Variants in SYCP2 observed in about 807,000 individuals in gnomAD.
The protein encoded by SYCP2 is synaptonemal complex protein 2.
In SYCP2, 55 loss-of-function variants were observed where a neutral mutation model predicts 211.3. The observed-to-expected ratio is 0.26, with a 90% CI of 0.21 to 0.33. The LOEUF (loss-of-function observed/expected upper bound fraction) is 0.33, where lower values mean the gene tolerates loss of function less well. Ranked by LOEUF, SYCP2 falls within the 10% of genes least tolerant of loss-of-function variation. The pLI, the probability that SYCP2 is intolerant of heterozygous loss-of-function variation, is 1.00. For missense variants in SYCP2, 1,731 were observed against 1,752.0 expected, an observed-to-expected ratio of 0.99 and a Z score of 0.21; for synonymous variants, 570 against 555.2, an observed-to-expected ratio of 1.03 and a Z score of -0.37.
chr20:59,876,786 A>G (rs997669828), intron 33 of SYCP2, among the ~76,000 whole-genome samples: 1 of 152,176 alleles, frequency 6.6e-6, no homozygotes, highest in Non-Finnish European at 1.5e-5. Flanking sequence ...CATACACTAT[A>G]CTAAAATAGT....
chr20:59,931,866 C>A (rs1307659516), intron 2 of SYCP2, among the ~76,000 whole-genome samples, 196 bp downstream of exon 2: 2 of 152,086 alleles, frequency 1.3e-5, no homozygotes, highest in African/African-American at 2.4e-5. Flanking sequence ...ACAGCACTAT[C>A]CACAACATCA....
chr20:59,887,678 G>A (rs1412474320), intron 24 of SYCP2, among the ~76,000 whole-genome samples: 1 of 151,894 alleles, frequency 6.6e-6, no homozygotes, highest in East Asian at 1.9e-4. Flanking sequence ...ACTGTACAGA[G>A]TGCTTTGCAG....
intron 14 of SYCP2, among the ~76,000 whole-genome samples, chr20:59,910,386 T>TA (rs2060296312): frequency 7.4e-6 from 1 of 134,554 alleles, no homozygotes; most frequent in Admixed American, 7.3e-5. Context: ...TTTTTTTTTT[T>TA]TTTTTTTTTT....
intron 16 of SYCP2, 63 bp downstream of exon 16, chr20:59,901,599 A>C (rs1390917337): frequency 2.9e-6 from 3 of 1,050,426 alleles, no homozygotes; most frequent in Non-Finnish European, 4.1e-6. Flanking sequence ...AATAAAACTT[A>C]TAACGCCAAA....
In SYCP2 at chr20:59,919,412, G is replaced by A. The variant is rs888162264; in HGVS notation, c.402+81C>T. 4 of 1,064,808 alleles carry A rather than the reference G, an allele frequency of 3.8e-6. No homozygotes were observed. The African/African-American group carries it at 6.4e-5, about 17-fold the overall frequency. The allele number at this position is 1,064,808 out of a possible 1,614,324, so 66.0% of individuals were successfully genotyped here. A position where few individuals can be genotyped will look rare whatever the true frequency, so the allele number is the denominator to read the frequency against. On this transcript the variant is annotated intron_variant, in intron 6 of 44. Transcript: ENST00000357552. The stretch of plus-strand genomic sequence containing the variant: ...CAACCAATCTGTTAGTGACTTTTAG[G>A]CTCAGGGCACAGAGAACACAAATTG...
At chr20:59,895,118 C>T (rs992646882) in intron 20 of SYCP2, among the ~76,000 whole-genome samples, 12 of 152,194 alleles carry the variant, frequency 7.9e-5, no homozygotes, top group South Asian at 2.1e-4. Flanking sequence ...ACTTGTACTT[C>T]GCATTCCTAT....
chr20:59,909,862 T>G (rs2060283055), intron 14 of SYCP2, among the ~76,000 whole-genome samples: 1 of 152,204 alleles, frequency 6.6e-6, no homozygotes, highest in African/African-American at 2.4e-5. Flanking sequence ...TGGAATAATG[T>G]GGTTGTGAGG....
At chr20:59,892,836 C>G in intron 22 of SYCP2, 135 bp from the exon 23 acceptor site, 1 of 734,626 alleles carries the variant, frequency 1.4e-6, no homozygotes. Flanking sequence ...TCTTATCTTA[C>G]AGTTCTACTG....
chr20:59,870,322 G>C lies in SYCP2; in HGVS notation c.3556-339C>G, dbSNP rs188427635. On this transcript the variant is annotated intron_variant, in intron 35 of 44. Transcript: ENST00000357552. Reference sequence around the variant, plus strand: ...TTTATATGGCTGTCTATACAGAAAAGCCAAGAGAATCTAGGCAGACAATCA... The same window carrying C: ...TTTATATGGCTGTCTATACAGAAAACCCAAGAGAATCTAGGCAGACAATCA... 5.2e-4 allele frequency among the ~76,000 whole-genome samples: 79 copies of C among 151,888 alleles called. No individual in the cohort carries two copies. The East Asian group carries it at 0.013, about 26-fold the overall frequency.
intron 15 of SYCP2, among the ~76,000 whole-genome samples, chr20:59,906,276 C>T (rs1448331892): frequency 2.0e-5 from 3 of 152,030 alleles, no homozygotes; most frequent in Admixed American, 6.6e-5. Context: ...TGTTGGAAGA[C>T]TTATACTGAC....
At chr20:59,879,487 G>A (rs1261480993) in intron 31 of SYCP2, among the ~76,000 whole-genome samples, 1 of 151,716 alleles carries the variant, frequency 6.6e-6, no homozygotes, top group Admixed American at 6.6e-5. Flanking sequence ...ACATTTAGTT[G>A]AAAAGCACAG....
In SYCP2 at chr20:59,869,976, T is replaced by C. The variant is rs761891672; in HGVS notation, c.3563A>G (p.His1188Arg). 15 of 1,583,926 alleles carry C rather than the reference T, an allele frequency of 9.5e-6. No homozygotes were observed. Among genetic ancestry groups the C allele is most frequent in the East Asian group, 2.2e-5 (1 of 44,452 alleles). The part of the protein sequence containing the change: ...PIPRPLFLPR[H>R]TPTKSNTIVN... Reference sequence around the variant, plus strand: ...AATAGTATTACTCTTAGTTGGAGTATGTCTGGGCTATGAATGAAGACATAC... The same window carrying C: ...AATAGTATTACTCTTAGTTGGAGTACGTCTGGGCTATGAATGAAGACATAC... Residue 1188 changes from histidine to arginine, a missense_variant, in exon 36 of 45, where the codon CAT becomes CGT. Around this residue, in one of 3 missense-constraint regions of SYCP2, gnomAD observed 1,387 missense variants for 1,351.3 expected, o/e 1.03. Transcript: ENST00000357552.
chr20:59,871,799 GTGT>G (rs2059457025), intron 35 of SYCP2, among the ~76,000 whole-genome samples: 1 of 151,904 alleles, frequency 6.6e-6, no homozygotes, highest in Non-Finnish European at 1.5e-5. Context: ...GTTGTTATAT[GTGT>G]TGTTTAGGAA....
intron 2 of SYCP2, among the ~76,000 whole-genome samples, chr20:59,926,707 T>C (rs1393565735): frequency 6.6e-6 from 1 of 152,088 alleles, no homozygotes; most frequent in African/African-American, 2.4e-5. Flanking sequence ...AAACTTAATA[T>C]TGGAATGCCA....
intron 12 of SYCP2, 33 bp downstream of exon 12, chr20:59,913,942 A>G: frequency 6.5e-7 from 1 of 1,528,558 alleles, no homozygotes; most frequent in South Asian, 1.3e-5. Flanking sequence ...TATTTATTTG[A>G]CAGTAAATGG....
chr20:59,869,032 T>C, intron 36 of SYCP2, 107 bp from the exon 37 acceptor site: 3 of 714,944 alleles, frequency 4.2e-6, no homozygotes, highest in Non-Finnish European at 6.8e-6. Context: ...TGCTGTCAAT[T>C]CTTTCTCAGA....
intron 2 of SYCP2, among the ~76,000 whole-genome samples, chr20:59,924,795 CAT>C (rs2060604695): frequency 6.6e-6 from 1 of 151,856 alleles, no homozygotes; most frequent in Non-Finnish European, 1.5e-5. Flanking sequence ...TTGGATTTAC[CAT>C]AAAAGTCCAA....
At chr20:59,905,451 C>T (rs983973003) in intron 15 of SYCP2, among the ~76,000 whole-genome samples, 1 of 152,088 alleles carries the variant, frequency 6.6e-6, no homozygotes. Context: ...ACTACTGATA[C>T]ATGCAACATG....
chr20:59,897,457 C>T (rs2060031810), intron 18 of SYCP2, among the ~76,000 whole-genome samples: 1 of 152,144 alleles, frequency 6.6e-6, no homozygotes, highest in Non-Finnish European at 1.5e-5. Context: ...GAAAACAGAG[C>T]ACAGGTATTT....
Sources: allele counts gnomAD v4.1 joint callset (sites outside exome capture counted in the v4.1 genomes callset), GRCh38; gene constraint gnomAD v4.1.1; regional missense constraint gnomAD v4.1.1; transcripts MANE v1.5; gene names NCBI Gene and HGNC (gene_info 2026-07-23, HGNC 2026-07-21).